C5: variants seen among roughly 807,000 people sequenced by gnomAD.
C5 encodes C3 and PZP-like alpha-2-macroglobulin domain-containing protein 4.
C5 carries 140 observed loss-of-function variants against 218.8 expected under a neutral mutation model. The observed-to-expected ratio is 0.64, with a 90% CI of 0.56 to 0.74. The LOEUF is 0.74. Ranked by LOEUF, C5 falls within the 30% of genes least tolerant of loss-of-function variation. The pLI is 0.00. For synonymous variants in C5, 614 were observed against 682.3 expected, an observed-to-expected ratio of 0.90 and a Z score of 1.56; for missense variants, 1,700 against 1,969.6, an observed-to-expected ratio of 0.86 and a Z score of 2.59.
intron 33 of C5, among the ~76,000 whole-genome samples, chr9:120,966,626 G>T (rs1168145741): frequency 6.6e-6 from 1 of 152,172 alleles, no homozygotes; most frequent in Non-Finnish European, 1.5e-5. Flanking sequence ...AAAGGTAATT[G>T]TGATCATGCT....
chr9:121,045,298 C>G (rs2047617864), intron 2 of C5, among the ~76,000 whole-genome samples: 1 of 151,936 alleles, frequency 6.6e-6, no homozygotes, highest in Non-Finnish European at 1.5e-5. Context: ...TCATGGAGGA[C>G]CCTCAGCATT....
At chr9:121,011,529 G>C (rs1166603756) in intron 17 of C5, among the ~76,000 whole-genome samples, 1 of 110,204 alleles carries the variant, frequency 9.1e-6, no homozygotes, top group Non-Finnish European at 1.9e-5. Context: ...TGTTAGTGGG[G>C]AATGTAAATT....
At chr9:121,056,125 C>T in the C5 span, among the ~76,000 whole-genome samples, 1 of 152,220 alleles carries the variant, frequency 6.6e-6, no homozygotes, top group Non-Finnish European at 1.5e-5. Flanking sequence ...GGAAAACCTT[C>T]TCAAGGACAG....
intron 25 of C5, among the ~76,000 whole-genome samples, chr9:120,987,310 A>G (rs1040259565): frequency 6.6e-6 from 1 of 152,118 alleles, no homozygotes; most frequent in Admixed American, 6.5e-5. Context: ...ACAGAAAATA[A>G]GAGGGCCAAA....
At position 120,997,402 on chromosome 9, in the gene C5, CA is replaced by C. The variant is rs879394403; in HGVS notation, c.2790+144del. On this transcript the variant is annotated intron_variant, in intron 21 of 40. Transcript: ENST00000223642. ...TTACAGAAAAATTGCAAGAATAGTA[CA>C]AAAAAAATCTGGAATAACCTCCATC... 1.3e-4 allele frequency: 86 copies of C among 656,670 alleles called. No homozygotes were observed. The East Asian group carries it at 1.3e-3, about 10-fold the overall frequency. 40.7% of individuals were successfully genotyped at this position (656,670 alleles called of 1,614,324 possible). A position where few individuals can be genotyped will look rare whatever the true frequency, so the allele number is the denominator to read the frequency against.
At chr9:120,990,749 GT>G (rs2047071181) in intron 23 of C5, among the ~76,000 whole-genome samples, 1 of 152,126 alleles carries the variant, frequency 6.6e-6, no homozygotes, top group East Asian at 1.9e-4. Context: ...TATAAATTTT[GT>G]TATTTTGTTA....
chr9:120,992,612 T>C (rs1442142881), intron 22 of C5, among the ~76,000 whole-genome samples: 3 of 152,218 alleles, frequency 2.0e-5, no homozygotes, highest in Non-Finnish European at 2.9e-5. Flanking sequence ...GCAACTCTAC[T>C]ACCAGGTGGA....
intron 22 of C5, among the ~76,000 whole-genome samples, chr9:120,994,532 G>A (rs1192509570): frequency 6.6e-6 from 1 of 151,844 alleles, no homozygotes; most frequent in African/African-American, 2.4e-5. Flanking sequence ...GCAGTGAGCT[G>A]ACATGGCGCC....
At chr9:121,039,812 C>A (rs1050601272) in intron 3 of C5, among the ~76,000 whole-genome samples, 1 of 152,036 alleles carries the variant, frequency 6.6e-6, no homozygotes, top group Non-Finnish European at 1.5e-5. Flanking sequence ...CCATGCCTGG[C>A]TAATTTTTTG....
chr9:121,056,470 G>C, the C5 span, among the ~76,000 whole-genome samples: 1 of 152,124 alleles, frequency 6.6e-6, no homozygotes, highest in Non-Finnish European at 1.5e-5. Flanking sequence ...CTAAGACAAA[G>C]AAGTGTATGG....
At position 121,015,179 on chromosome 9, in the gene C5, T is replaced by A; in HGVS notation, c.2059+20A>T. On this transcript the variant is annotated intron_variant, in intron 16 of 40. Coordinates refer to ENST00000223642, the MANE Select transcript of C5 (RefSeq NM_001735.3). ...TGATATGACCATAACCTTTTTACAATCACATGAATCTTACAGTACCTATTT... is the reference window on the plus strand; with the variant it reads ...TGATATGACCATAACCTTTTTACAAACACATGAATCTTACAGTACCTATTT... The A allele has an allele frequency of 6.6e-7, 1 of 1,522,822 alleles. No individual in the cohort carries two copies. The highest frequency in any genetic ancestry group is 1.7e-4 in the Middle Eastern group (1 of 5,868). 94.3% of individuals were successfully genotyped at this position (1,522,822 alleles called of 1,614,324 possible). A position where few individuals can be genotyped will look rare whatever the true frequency, so the allele number is the denominator to read the frequency against.
At chr9:120,985,546 T>C (rs1232975898) in intron 25 of C5, among the ~76,000 whole-genome samples, 1 of 151,644 alleles carries the variant, frequency 6.6e-6, no homozygotes, top group Non-Finnish European at 1.5e-5. Context: ...TGGAAATGGT[T>C]GTCCATCAAG....
intron 9 of C5, among the ~76,000 whole-genome samples, chr9:121,024,866 T>C (rs572446541): frequency 6.6e-6 from 1 of 152,358 alleles, no homozygotes; most frequent in South Asian, 2.1e-4. Context: ...TCATTAATGT[T>C]TGCAAGCCTG....
At chr9:121,072,022 G>T in the C5 span, among the ~76,000 whole-genome samples, 1,859 of 152,220 alleles carry the variant, frequency 0.012, 24 homozygotes, top group Non-Finnish European at 0.019. Context: ...CTTTGGAGAA[G>T]GAAGTTCTTT....
intron 36 of C5, 31 bp from the exon 37 acceptor site, chr9:120,961,596 T>C (rs905920650): frequency 7.3e-6 from 10 of 1,367,334 alleles, no homozygotes; most frequent in South Asian, 1.2e-5. Context: ...TTAAGAGAAG[T>C]GGTTTGATTG....
chr9:120,999,809 T>C (rs561185841), intron 20 of C5: 2 of 411,134 alleles, frequency 4.9e-6, no homozygotes, highest in Admixed American at 2.7e-5. Context: ...ACAGATGTAC[T>C]TGTTTCTTAT....
At chr9:121,038,383 T>C (rs1033594275) in intron 3 of C5, among the ~76,000 whole-genome samples, 1 of 152,186 alleles carries the variant, frequency 6.6e-6, no homozygotes, top group Non-Finnish European at 1.5e-5. Context: ...AATTGGGAGC[T>C]TGATTCAGAC....
upstream of C5, among the ~76,000 whole-genome samples, chr9:121,054,363 G>C (rs1470888917): frequency 6.6e-6 from 1 of 152,190 alleles, no homozygotes; most frequent in Non-Finnish European, 1.5e-5. Flanking sequence ...ACTTTGGGAG[G>C]CTGAGGCAGG....
intron 4 of C5, among the ~76,000 whole-genome samples, 167 bp downstream of exon 4, chr9:121,037,714 C>T (rs1000526507): frequency 6.6e-5 from 10 of 152,108 alleles, no homozygotes; most frequent in African/African-American, 2.2e-4. Context: ...CTTTCACATA[C>T]GTGTATTACA....
Sources: allele counts gnomAD v4.1 joint callset (sites outside exome capture counted in the v4.1 genomes callset), GRCh38; gene constraint gnomAD v4.1.1; transcripts MANE v1.5; gene names NCBI Gene and HGNC (gene_info 2026-07-23, HGNC 2026-07-21).